TRIM16: variants seen among roughly 807,000 people sequenced by gnomAD.
The protein encoded by TRIM16 is tripartite motif containing 16.
A neutral mutation model predicts 50.4 loss-of-function variants in TRIM16; 33 were observed. That is an observed-to-expected ratio of 0.65 (90% CI 0.50 to 0.88). The LOEUF is 0.88. Ranked by LOEUF, TRIM16 falls within the 40% of genes least tolerant of loss-of-function variation. The probability of loss-of-function intolerance (pLI) is 0.00; values close to 1 mark genes in which losing one functional copy is unlikely to be tolerated. For missense variants in TRIM16, 581 were observed against 686.8 expected, an observed-to-expected ratio of 0.85 and a Z score of 1.72; for synonymous variants, 229 against 270.7, an observed-to-expected ratio of 0.85 and a Z score of 1.51.
At chr17:15,670,551 G>A (rs1039684766) in intron 6 of TRIM16, among the ~76,000 whole-genome samples, 23 of 152,192 alleles carry the variant, frequency 1.5e-4, no homozygotes, top group African/African-American at 4.8e-4. Flanking sequence ...CAAATAGCAC[G>A]GGCATATCAT....
At chr17:15,663,506 G>A (rs1394096306) in intron 6 of TRIM16, among the ~76,000 whole-genome samples, 2 of 152,132 alleles carry the variant, frequency 1.3e-5, no homozygotes, top group African/African-American at 2.4e-5. Flanking sequence ...GAGAACCAAC[G>A]TGAGGACTAG....
At chr17:15,663,550 G>T (rs1032756121) in intron 6 of TRIM16, among the ~76,000 whole-genome samples, 1 of 152,130 alleles carries the variant, frequency 6.6e-6, no homozygotes. Context: ...ACAGAAAAAT[G>T]GAAAGAGCCC....
chr17:15,648,225 CAAAA>C (rs542434481), intron 7 of TRIM16, among the ~76,000 whole-genome samples: 1 of 75,542 alleles, frequency 1.3e-5, no homozygotes, highest in Admixed American at 1.6e-4. Flanking sequence ...GACTCCGTCT[CAAAA>C]AAAAAAAAAA....
At chr17:15,680,727 C>T in intron 4 of TRIM16, 138 bp downstream of exon 4, 4 of 892,490 alleles carry the variant, frequency 4.5e-6, no homozygotes, top group Non-Finnish European at 5.0e-6. Flanking sequence ...ACTGCTGTGG[C>T]TAATGTGGTT....
intron 9 of TRIM16, among the ~76,000 whole-genome samples, chr17:15,634,358 G>A (rs1385826400): frequency 2.1e-5 from 3 of 145,766 alleles, no homozygotes; most frequent in African/African-American, 7.6e-5. Flanking sequence ...GGCCGGGCGC[G>A]GTGGCTCACT....
rs1217061678 is a variant in TRIM16 at position 15,646,496 on chromosome 17, A to G, written c.520-3680T>C. Among the ~76,000 whole-genome samples the G allele has an allele frequency of 1.5e-5, 2 of 137,670 alleles. 1 individual carries two copies. Among genetic ancestry groups the G allele is most frequent in the African/African-American group, 6.0e-5 (2 of 33,086 alleles). The allele number at this position is 137,670 out of a possible 152,430, so 90.3% of individuals were successfully genotyped here. A position where few individuals can be genotyped will look rare whatever the true frequency, so the allele number is the denominator to read the frequency against. On this transcript the variant is annotated intron_variant, in intron 7 of 11. Transcript: ENST00000649191. ...GATGTGTCAAAGGCACACTATTTGG[A>G]GTCCGAAATATTTTGGGACCTGCCA... is the stretch of plus-strand genomic sequence containing the variant.
At chr17:15,671,087 C>T (rs1250057533) in intron 6 of TRIM16, among the ~76,000 whole-genome samples, 1 of 152,254 alleles carries the variant, frequency 6.6e-6, no homozygotes. Context: ...TCTTCTGATA[C>T]AGTCAACTTT....
intron 6 of TRIM16, among the ~76,000 whole-genome samples, chr17:15,666,196 G>A (rs963207313): frequency 6.6e-6 from 1 of 152,094 alleles, no homozygotes; most frequent in Non-Finnish European, 1.5e-5. Flanking sequence ...CATTGCTTTT[G>A]CCAATCCATT....
intron 7 of TRIM16, among the ~76,000 whole-genome samples, chr17:15,646,640 CAA>C (rs1987391821): frequency 6.8e-6 from 1 of 146,466 alleles, no homozygotes; most frequent in Non-Finnish European, 1.5e-5. Flanking sequence ...AGGTGGCACA[CAA>C]AGAGTGGCAG....
intron 6 of TRIM16, among the ~76,000 whole-genome samples, chr17:15,672,039 CA>C (rs1433587142): frequency 1.3e-5 from 2 of 152,048 alleles, no homozygotes; most frequent in East Asian, 3.9e-4. Flanking sequence ...TCTCTTCCTG[CA>C]ATCCTCAAAT....
intron 3 of TRIM16, chr17:15,681,189 C>T (rs562020525): frequency 8.6e-5 from 30 of 349,734 alleles, no homozygotes; most frequent in African/African-American, 3.4e-4. Flanking sequence ...TGAGCCACTG[C>T]TCTGAAAACG....
Position 15,663,847 on chromosome 17 carries a change from T to G in TRIM16, c.-337-11901A>C, listed in dbSNP as rs546813222. On this transcript the variant is annotated intron_variant, in intron 6 of 11. Transcript: ENST00000649191. ...GCCCACCCCGGGTCAATCCCATGTC[T>G]GGTCAGATGCAGTGCTGTCATCAGC... Among the ~76,000 whole-genome samples the G allele has an allele frequency of 4.6e-5, 7 of 152,320 alleles. No individual in the cohort carries two copies. The East Asian group carries it at 1.4e-3, about 29-fold the overall frequency.
intron 11 of TRIM16, among the ~76,000 whole-genome samples, chr17:15,630,192 C>T (rs1359904394): frequency 6.6e-6 from 1 of 152,114 alleles, no homozygotes; most frequent in African/African-American, 2.4e-5. Flanking sequence ...GCCTTTGGTA[C>T]AGCCTGTTCC....
rs897133023 is a variant in TRIM16, at chr17:15,678,855, C to T, written c.-589-1134G>A. Among the ~76,000 whole-genome samples, 12 of 146,992 alleles carry T rather than the reference C, an allele frequency of 8.2e-5. No homozygotes were observed. In the East Asian group the frequency reaches 2.2e-3, roughly 27 times the overall value. ...CAAGCTTCAAAGAAAAGAATATTTA[C>T]GACTGGAGAAATGCAGACTCTCCTT... On this transcript the variant is annotated intron_variant, in intron 4 of 11. Coordinates refer to ENST00000649191, the MANE Select transcript of TRIM16 (RefSeq NM_001348119.1).
In TRIM16 at chr17:15,638,257, T is replaced by TA. The variant is rs1986941005; in HGVS notation, c.616-1989_616-1988insT. The stretch of plus-strand genomic sequence containing the variant: ...AAGAATTATCAATAAAAAAATAAAT[T>TA]TAAAAAAAAAAAAAAAAAAGAATTG... On this transcript the variant is annotated intron_variant, in intron 8 of 11. Coordinates refer to ENST00000649191, the MANE Select transcript of TRIM16 (RefSeq NM_001348119.1). Among the ~76,000 whole-genome samples the TA allele has an allele frequency of 1.4e-4, 16 of 117,638 alleles. 2 individuals are homozygous for TA. The highest frequency in any genetic ancestry group is 6.6e-4 in the East Asian group (3 of 4,578). The allele number at this position is 117,638 out of a possible 152,430, so 77.2% of individuals were successfully genotyped here.
Position 15,651,413 on chromosome 17 carries a change from C to T in TRIM16, c.197G>A (p.Gly66Glu), listed in dbSNP as rs141481228. Residue 66 changes from glycine to glutamate, a missense_variant, in exon 7 of 12, where the codon GGG (glycine) becomes GAG (glutamate). By Grantham distance (98) the Gly-to-Glu change is moderately conservative. This residue lies in a region of TRIM16 where 450 missense variants were observed against 544.3 expected (regional missense o/e 0.83). Transcript: ENST00000649191. ...EEQDSDSAEQGDPAGEGKEVL... is the reference protein window; with the variant it reads ...EEQDSDSAEQEDPAGEGKEVL... ...CTCTTTCCCCTCACCAGCAGGATCC[C>T]CCTGCTCTGCAGAGTCGCTGTCCTG... 2,391 of 1,614,120 alleles carry T rather than the reference C, an allele frequency of 1.5e-3. 5 individuals are homozygous for T. The highest frequency in any genetic ancestry group is 6.8e-3 in the Admixed American group (406 of 60,024).
intron 6 of TRIM16, among the ~76,000 whole-genome samples, chr17:15,659,733 C>T (rs1053114783): frequency 9.9e-5 from 15 of 152,214 alleles, no homozygotes; most frequent in African/African-American, 4.8e-5. Context: ...TTTCCCAGGC[C>T]GGCTCCCCTG....
chr17:15,645,475 T>C (rs141190567), intron 7 of TRIM16, among the ~76,000 whole-genome samples: 9,690 of 151,792 alleles, frequency 0.064, 909 homozygotes, highest in African/African-American at 0.21. Flanking sequence ...AAACACCTTC[T>C]GCCAAGAGGT....
rs1475717741 is a variant in TRIM16, at chr17:15,651,708, C to G, written c.-99G>C. The G allele has an allele frequency of 3.2e-6, 5 of 1,541,860 alleles. No individual in the cohort carries two copies. The African/African-American group carries it at 6.8e-5, about 21-fold the overall frequency. On this transcript the variant is annotated 5_prime_UTR_variant, in exon 7 of 12. Coordinates refer to ENST00000649191, the MANE Select transcript of TRIM16 (RefSeq NM_001348119.1). ...GAGAACCACGCCTAGATGATTGCAGCTGCTGCAAGATTTTAACTGTTTCCT... is the reference window on the plus strand; with the variant it reads ...GAGAACCACGCCTAGATGATTGCAGGTGCTGCAAGATTTTAACTGTTTCCT...
Sources: gnomAD v4.1 joint callset for allele counts (sites outside exome capture counted in the v4.1 genomes callset) on GRCh38, gnomAD v4.1.1 for gene constraint, gnomAD v4.1.1 regional missense constraint, MANE v1.5 for transcripts, NCBI Gene and HGNC (gene_info 2026-07-23, HGNC 2026-07-21) for gene names.